The following FBXW7 variants were observed in gnomAD, a reference collection of about 807,000 sequenced individuals.
FBXW7 encodes F-box and WD repeat domain containing 7, also known as F-box/WD repeat-containing protein 7.
In FBXW7, 11 loss-of-function variants were observed where a neutral mutation model predicts 86.3. The observed-to-expected ratio is 0.13, with a 90% CI of 0.08 to 0.21. The LOEUF is 0.21. FBXW7 is among the 10% of genes least tolerant of loss of function. FBXW7 has a pLI of 1.00. For synonymous variants in FBXW7, 313 were observed against 297.9 expected (o/e 1.05, Z -0.52); for missense variants, 488 against 847.4 (o/e 0.58, Z 5.27).
intron 4 of FBXW7, 130 bp from the exon 5 acceptor site, chr4:152,350,254 A>G: frequency 2.2e-6 from 1 of 464,012 alleles, no homozygotes; most frequent in Non-Finnish European, 3.9e-6. Context: ...ATATAAAATA[A>G]ATGTTTCATA....
At chr4:152,343,612 A>G (rs1036805756) in intron 6 of FBXW7, among the ~76,000 whole-genome samples, 3 of 152,176 alleles carry the variant, frequency 2.0e-5, no homozygotes, top group Non-Finnish European at 4.4e-5. Context: ...ATGCTTCTGA[A>G]TACAAATTTC....
intron 4 of FBXW7, among the ~76,000 whole-genome samples, chr4:152,364,081 A>G (rs1733234417): frequency 2.0e-5 from 3 of 152,168 alleles, no homozygotes. Context: ...GTGTACTGTG[A>G]TACACTTTAT....
chr4:152,376,749 T>TTAACTAATTGATTA (rs1734560841), intron 4 of FBXW7, among the ~76,000 whole-genome samples: 2 of 152,146 alleles, frequency 1.3e-5, no homozygotes, highest in South Asian at 4.1e-4. Flanking sequence ...ATGAGAATGG[T>TTAACTAATTGATTA]ACTGCATTGT....
At chr4:152,473,275 C>T (rs1305935471) in intron 2 of FBXW7, among the ~76,000 whole-genome samples, 5 of 152,158 alleles carry the variant, frequency 3.3e-5, no homozygotes, top group African/African-American at 1.2e-4. Flanking sequence ...CTTGCTAATG[C>T]TTTCCTAGAC....
chr4:152,514,398 C>T lies in FBXW7; in HGVS notation c.-120+20543G>A, dbSNP rs561650160. On this transcript the variant is annotated intron_variant, in intron 2 of 13. Transcript: ENST00000281708. ...AATCTTTCCTTCATGTTTCCTACAA[C>T]TCATACTGTAATATGAATTCTCAAC... Among the ~76,000 whole-genome samples the T allele has an allele frequency of 3.9e-5, 6 of 152,286 alleles. No homozygotes were observed. The South Asian group carries it at 1.2e-3, about 32-fold the overall frequency.
intron 2 of FBXW7, among the ~76,000 whole-genome samples, chr4:152,434,967 CCCA>C (rs1740252295): frequency 1.3e-5 from 2 of 151,168 alleles, no homozygotes; most frequent in African/African-American, 2.4e-5. Context: ...CTCCCCCCCC[CCCA>C]CACACAAGCT....
intron 4 of FBXW7, among the ~76,000 whole-genome samples, chr4:152,405,258 A>G (rs1579109533): frequency 1.3e-5 from 2 of 152,272 alleles, no homozygotes; most frequent in South Asian, 4.1e-4. Flanking sequence ...AAAGCTTACC[A>G]AAAATGTCAC....
At position 152,396,968 on chromosome 4, in the gene FBXW7, G is replaced by A. The variant is rs550448517; in HGVS notation, c.501+14335C>T. Among the ~76,000 whole-genome samples, 15 of 152,066 alleles carry A rather than the reference G, an allele frequency of 9.9e-5. 1 individual carries two copies. The South Asian group carries it at 2.7e-3, about 27-fold the overall frequency. ...ATCAAAGTTTTGTCACTCCATTATA[G>A]TAACTAATTTGAAGAAATAATTTAA... On this transcript the variant is annotated intron_variant, in intron 4 of 13. Coordinates refer to ENST00000281708, the MANE Select transcript of FBXW7 (RefSeq NM_001349798.2).
chr4:152,323,258 T>C (rs1371624956), intron 13 of FBXW7, 109 bp from the exon 14 acceptor site: 1 of 1,250,234 alleles, frequency 8.0e-7, no homozygotes, highest in Non-Finnish European at 1.1e-6. Context: ...AATGCAACAT[T>C]TGAAATGATA....
intron 2 of FBXW7, among the ~76,000 whole-genome samples, chr4:152,439,828 T>C: frequency 7.1e-6 from 1 of 141,308 alleles, no homozygotes; most frequent in South Asian, 2.2e-4. Flanking sequence ...ATCGTGCCAC[T>C]GCACTCCAGC....
chr4:152,534,839 T>C (rs1177395456), intron 2 of FBXW7, 102 bp downstream of exon 2: 2 of 152,260 alleles, frequency 1.3e-5, no homozygotes, highest in East Asian at 1.9e-4. Flanking sequence ...CCCTCATTGA[T>C]AGACTCCCAA....
In FBXW7 at chr4:152,536,086, CAG is replaced by C. The variant is rs996806974; in HGVS notation, c.-1174_-1173del. 3 of 161,702 alleles carry C rather than the reference CAG, an allele frequency of 1.9e-5. No homozygotes were observed. Among genetic ancestry groups the C allele is most frequent in the Admixed American group, 6.5e-5 (1 of 15,404 alleles). 10.0% of individuals were successfully genotyped at this position (161,702 alleles called of 1,614,324 possible). On this transcript the variant is annotated 5_prime_UTR_variant, in exon 1 of 14. Coordinates refer to ENST00000281708, the MANE Select transcript of FBXW7 (RefSeq NM_001349798.2). ...TCTGTGCGGGGCTCTCGCCTCACTCCAGAGAGAGGGGCGGGAGGAGAGCGGCG... is the reference window on the plus strand; with the variant it reads ...TCTGTGCGGGGCTCTCGCCTCACTCCAGAGAGGGGCGGGAGGAGAGCGGCG...
At chr4:152,334,503 A>G (rs80312584) in intron 7 of FBXW7, among the ~76,000 whole-genome samples, 2,273 of 152,316 alleles carry the variant, frequency 0.015, 28 homozygotes, top group Middle Eastern at 0.037. Flanking sequence ...TAATGACCAA[A>G]ATATTTATCT....
intron 7 of FBXW7, among the ~76,000 whole-genome samples, chr4:152,336,817 G>A (rs571380914): frequency 2.3e-4 from 35 of 151,948 alleles, no homozygotes; most frequent in African/African-American, 7.7e-4. Context: ...TATTTTATTC[G>A]TATCCAACGT....
chr4:152,500,035 G>GA (rs1477539599), intron 2 of FBXW7, among the ~76,000 whole-genome samples: 2 of 152,142 alleles, frequency 1.3e-5, no homozygotes, highest in African/African-American at 4.8e-5. Context: ...CAATTTCAAT[G>GA]AAAGTATCTC....
Position 152,535,509 on chromosome 4 carries a change from G to A in FBXW7, c.-595C>T. The A allele has an allele frequency of 2.5e-6, 1 of 395,256 alleles. No homozygotes were observed. The highest frequency in any genetic ancestry group is 1.3e-4 in the South Asian group (1 of 7,678). The allele number at this position is 395,256 out of a possible 1,614,324, so 24.5% of individuals were successfully genotyped here. Reference sequence around the variant, plus strand: ...CCGCCCCCCCGGCCGGGGGGTGGTTGCCGAGCTTGGTTGGGGCCCCGGTTC... The same window carrying A: ...CCGCCCCCCCGGCCGGGGGGTGGTTACCGAGCTTGGTTGGGGCCCCGGTTC... On this transcript the variant is annotated 5_prime_UTR_variant, in exon 1 of 14. The change creates a premature stop within an existing upstream ORF in the 5' untranslated region. Transcript: ENST00000281708.
chr4:152,327,035 T>C (rs1729102009), intron 11 of FBXW7, among the ~76,000 whole-genome samples: 1 of 152,132 alleles, frequency 6.6e-6, no homozygotes, highest in Non-Finnish European at 1.5e-5. Context: ...ACAAATACTG[T>C]AATCACTTTT....
intron 6 of FBXW7, among the ~76,000 whole-genome samples, chr4:152,343,230 A>T (rs1487742484): frequency 6.6e-6 from 1 of 152,198 alleles, no homozygotes; most frequent in East Asian, 1.9e-4. Flanking sequence ...AAAATAATGT[A>T]AAGCTAATGG....
intron 2 of FBXW7, among the ~76,000 whole-genome samples, chr4:152,482,667 A>T (rs1050763525): frequency 6.6e-6 from 1 of 152,174 alleles, no homozygotes; most frequent in Non-Finnish European, 1.5e-5. Flanking sequence ...CATGCTTCTT[A>T]TATTTTCTGG....
Sources: gnomAD v4.1 joint callset for allele counts (sites outside exome capture counted in the v4.1 genomes callset) on GRCh38, gnomAD v4.1.1 for gene constraint, MANE v1.5 for transcripts, NCBI Gene and HGNC (gene_info 2026-07-23, HGNC 2026-07-21) for gene names.